Variants in GOSR1 observed in about 807,000 individuals in gnomAD.
The protein encoded by GOSR1 is 28 kDa Golgi SNARE protein.
A neutral mutation model predicts 35.5 loss-of-function variants in GOSR1; 21 were observed. The observed-to-expected ratio is 0.59, with a 90% confidence interval of 0.42 to 0.85. The LOEUF is 0.85. Ranked by LOEUF, GOSR1 falls within the 40% of genes least tolerant of loss-of-function variation. The pLI, the probability that GOSR1 is intolerant of heterozygous loss-of-function variation, is 0.00. For synonymous variants in GOSR1, 94 were observed against 106.6 expected, an observed-to-expected ratio of 0.88 and a Z score of 0.73; for missense variants, 285 against 309.6, an observed-to-expected ratio of 0.92 and a Z score of 0.60.
chr17:30,515,861 G>T (rs536457361), intron 7 of GOSR1, among the ~76,000 whole-genome samples: 1 of 152,090 alleles, frequency 6.6e-6, no homozygotes, highest in Non-Finnish European at 1.5e-5. Context: ...TCTAGAATAG[G>T]CCTAAAAGTA....
chr17:30,510,176 C>G (rs979084161), intron 6 of GOSR1, among the ~76,000 whole-genome samples: 1 of 152,046 alleles, frequency 6.6e-6, no homozygotes, highest in African/African-American at 2.4e-5. Context: ...CGGGTTCAAG[C>G]AGTTCTCGTG....
rs185138813 is a variant in GOSR1 at position 30,484,792 on chromosome 17, G to A, written c.342+22G>A. 4.3e-3 allele frequency: 5,244 copies of A among 1,211,436 alleles called. 26 individuals are homozygous for A. Among genetic ancestry groups the A allele is most frequent in the Non-Finnish European group, 4.0e-3 (3,270 of 813,382 alleles). The allele number at this position is 1,211,436 out of a possible 1,614,324, so 75.0% of individuals were successfully genotyped here. ...GCAGGTAATATATTGGGCTCGAGAT[G>A]TTTTCATTATCACAGGAGTTTGGGT... On this transcript the variant is annotated intron_variant, in intron 4 of 8. Coordinates refer to ENST00000451249, the MANE Select transcript of GOSR1 (RefSeq NM_001007025.2).
At position 30,481,951 on chromosome 17, in the gene GOSR1, G is replaced by A. The variant is rs556997381; in HGVS notation, c.146+694G>A. The stretch of plus-strand genomic sequence containing the variant: ...TCAAGACTAGCCTGGGCAACATGGT[G>A]AAACCCTGTCTCTAAAAAAAATAGA... On this transcript the variant is annotated intron_variant, in intron 2 of 8. Coordinates refer to ENST00000451249, the MANE Select transcript of GOSR1 (RefSeq NM_001007025.2). Among the ~76,000 whole-genome samples, 7 of 151,960 alleles carry A rather than the reference G, an allele frequency of 4.6e-5. No homozygotes were observed. In the South Asian group the frequency reaches 1.2e-3, roughly 27 times the overall value.
At position 30,525,148 on chromosome 17, in the gene GOSR1, G is replaced by A. The variant is rs1351160037; in HGVS notation, c.*2770G>A. 1.3e-5 allele frequency: 2 copies of A among 151,926 alleles called. No individual in the cohort carries two copies. The highest frequency in any genetic ancestry group is 2.9e-5 in the Non-Finnish European group (2 of 68,026). The allele number at this position is 151,926 out of a possible 1,614,324, so 9.4% of individuals were successfully genotyped here. A position where few individuals can be genotyped will look rare whatever the true frequency, so the allele number is the denominator to read the frequency against. ...ATTTATAGTATTGGCTTCAGTCCGA[G>A]CCACAGGCAATAAAAGGATATCAGC... On this transcript the variant is annotated 3_prime_UTR_variant, in exon 9 of 9. Coordinates refer to ENST00000451249, the MANE Select transcript of GOSR1 (RefSeq NM_001007025.2).
At chr17:30,504,802 C>T (rs540993498) in intron 6 of GOSR1, among the ~76,000 whole-genome samples, 1 of 152,300 alleles carries the variant, frequency 6.6e-6, no homozygotes, top group East Asian at 1.9e-4. Flanking sequence ...TCCAGTTCCT[C>T]AGGAACATTG....
Position 30,526,061 on chromosome 17 carries a change from C to A in GOSR1, c.*3683C>A, listed in dbSNP as rs1389936695. The stretch of plus-strand genomic sequence containing the variant: ...GGGATCCCATGAAGGGATTTGAGCT[C>A]TTTCAGCTCCATGTCATTTAACTTT... On this transcript the variant is annotated 3_prime_UTR_variant, in exon 9 of 9. Coordinates refer to ENST00000451249, the MANE Select transcript of GOSR1 (RefSeq NM_001007025.2). 6.6e-6 allele frequency: 1 copy of A among 152,218 alleles called. No homozygotes were observed. Among genetic ancestry groups the A allele is most frequent in the Non-Finnish European group, 1.5e-5 (1 of 68,038 alleles). 9.4% of individuals were successfully genotyped at this position (152,218 alleles called of 1,614,324 possible). A position where few individuals can be genotyped will look rare whatever the true frequency, so the allele number is the denominator to read the frequency against.
intron 1 of GOSR1, chr17:30,478,584 G>T (rs943602744): frequency 7.6e-6 from 1 of 130,922 alleles, no homozygotes; most frequent in South Asian, 2.3e-4. Flanking sequence ...TTGGAGACTC[G>T]CTATGTCGCC....
rs113974608 is a variant in GOSR1, at chr17:30,480,992, G to A, written c.32-151G>A. The A allele has an allele frequency of 4.6e-3, 2,540 of 557,132 alleles. 51 individuals carry two copies. Among genetic ancestry groups the A allele is most frequent in the African/African-American group, 0.043 (2,258 of 52,858 alleles). The allele number at this position is 557,132 out of a possible 1,614,324, so 34.5% of individuals were successfully genotyped here. A position where few individuals can be genotyped will look rare whatever the true frequency, so the allele number is the denominator to read the frequency against. On this transcript the variant is annotated intron_variant, in intron 1 of 8. Coordinates refer to ENST00000451249, the MANE Select transcript of GOSR1 (RefSeq NM_001007025.2). ...CTCCCAAAGTGGTGGGATTACAGGCGTGCACCACCGTGCCCAGCCAACACT... is the reference window on the plus strand; with the variant it reads ...CTCCCAAAGTGGTGGGATTACAGGCATGCACCACCGTGCCCAGCCAACACT...
At chr17:30,509,008 G>A (rs1215123173) in intron 6 of GOSR1, among the ~76,000 whole-genome samples, 1 of 151,704 alleles carries the variant, frequency 6.6e-6, no homozygotes, top group African/African-American at 2.4e-5. Context: ...ACGGAGTCTA[G>A]CTTGTCGCCC....
intron 4 of GOSR1, among the ~76,000 whole-genome samples, chr17:30,489,196 C>A (rs767677943): frequency 6.6e-6 from 1 of 152,018 alleles, no homozygotes; most frequent in Non-Finnish European, 1.5e-5. Context: ...CCAGCCTGGC[C>A]AACATGGTGA....
chr17:30,509,408 C>T (rs1013795860), intron 6 of GOSR1, among the ~76,000 whole-genome samples: 12 of 152,192 alleles, frequency 7.9e-5, no homozygotes, highest in African/African-American at 2.7e-4. Flanking sequence ...AGCACCCGGC[C>T]GGTATTTATG....
chr17:30,505,576 CTG>C (rs1338713117), intron 6 of GOSR1, among the ~76,000 whole-genome samples: 10 of 152,288 alleles, frequency 6.6e-5, no homozygotes, highest in South Asian at 4.1e-4. Flanking sequence ...CTTCGTGTCT[CTG>C]TGTTACATTT....
intron 8 of GOSR1, 62 bp from the exon 9 acceptor site, chr17:30,522,192 T>G (rs1425590347): frequency 5.6e-6 from 8 of 1,425,690 alleles, no homozygotes; most frequent in Non-Finnish European, 6.7e-6. Flanking sequence ...TTTTTGTGAT[T>G]CCTACGACTT....
rs777734294 is a variant in GOSR1, at chr17:30,523,580, GA to G, written c.*1203del. The G allele has an allele frequency of 0.013, 1,868 of 143,102 alleles. 25 individuals carry two copies. The highest frequency in any genetic ancestry group is 0.042 in the Middle Eastern group (11 of 260). The allele number at this position is 143,102 out of a possible 1,614,324, so 8.9% of individuals were successfully genotyped here. A position where few individuals can be genotyped will look rare whatever the true frequency, so the allele number is the denominator to read the frequency against. The stretch of plus-strand genomic sequence containing the variant: ...CCCCGTCCGGGAGGGAGGTGGGGGG[GA>G]TCAGCCCCCCGCCCGGCCAGCCGCC... On this transcript the variant is annotated 3_prime_UTR_variant, in exon 9 of 9. Coordinates refer to ENST00000451249, the MANE Select transcript of GOSR1 (RefSeq NM_001007025.2).
intron 7 of GOSR1, among the ~76,000 whole-genome samples, chr17:30,511,888 A>G (rs1026640849): frequency 1.3e-5 from 2 of 152,168 alleles, no homozygotes; most frequent in African/African-American, 4.8e-5. Context: ...TGCATGCATT[A>G]TTTTATTTGA....
chr17:30,492,813 T>A, intron 6 of GOSR1, 60 bp downstream of exon 6: 2 of 962,020 alleles, frequency 2.1e-6, no homozygotes, highest in Non-Finnish European at 3.4e-6. Context: ...CATTTACTTA[T>A]GTAACCAACA....
In GOSR1 at chr17:30,522,339, G is replaced by A. The variant is rs1968068451; in HGVS notation, c.708G>A (p.Gly236=). 1 of 1,608,450 alleles carries A rather than the reference G, an allele frequency of 6.2e-7. No homozygotes were observed. Among genetic ancestry groups the A allele is most frequent in the Non-Finnish European group, 8.5e-7 (1 of 1,177,200 alleles). The change falls in exon 9 of 9, where the codon GGG becomes GGA. Residue 236 remains glycine, a synonymous_variant. Coordinates refer to ENST00000451249, the MANE Select transcript of GOSR1 (RefSeq NM_001007025.2). ...CGCTCATCCTAGGGGGTGTTATTGGGATCTGTACCATCCTGTTGCTGCTGT... is the reference window on the plus strand; with the variant it reads ...CGCTCATCCTAGGGGGTGTTATTGGAATCTGTACCATCCTGTTGCTGCTGT... The part of the protein sequence containing the change: ...RDSLILGGVI[G]ICTILLLLYA...
chr17:30,495,753 C>T (rs1411120062), intron 6 of GOSR1, among the ~76,000 whole-genome samples: 5 of 152,236 alleles, frequency 3.3e-5, no homozygotes, highest in African/African-American at 4.8e-5. Flanking sequence ...CAACATTGGG[C>T]CTTTCCTGTG....
chr17:30,510,888 G>T lies in GOSR1; in HGVS notation c.518G>T (p.Arg173Leu). Residue 173 changes from arginine (R) to leucine (L), a missense_variant, in exon 7 of 9, where the codon CGT becomes CTT. Transcript: ENST00000451249. ...KEHDHLRNSDRLIEETISIAM... is the reference protein window; with the variant it reads ...KEHDHLRNSDLLIEETISIAM... ...TTTCTTTTTATTTGCAGCTCAGATCGTCTGATAGAAGAGACAATAAGGTAG... is the reference window on the plus strand; with the variant it reads ...TTTCTTTTTATTTGCAGCTCAGATCTTCTGATAGAAGAGACAATAAGGTAG... 1.3e-6 allele frequency: 2 copies of T among 1,538,032 alleles called. No individual in the cohort carries two copies. Among genetic ancestry groups the T allele is most frequent in the South Asian group, 2.3e-5 (2 of 87,702 alleles).
Sources: gnomAD v4.1 joint callset for allele counts (sites outside exome capture counted in the v4.1 genomes callset) on GRCh38, gnomAD v4.1.1 for gene constraint, MANE v1.5 for transcripts, NCBI Gene and HGNC (gene_info 2026-07-23, HGNC 2026-07-21) for gene names.